Variants in SLMAP observed in about 807,000 individuals in gnomAD.
The protein encoded by SLMAP is sarcolemmal membrane-associated protein.
In SLMAP, 44 loss-of-function variants were observed where a neutral mutation model predicts 128.8. The observed-to-expected ratio is 0.34, with a 90% CI of 0.27 to 0.44. The LOEUF is 0.44. SLMAP is among the 20% of genes least tolerant of loss of function. SLMAP has a pLI of 1.00. For synonymous variants in SLMAP, 327 were observed against 348.8 expected, an observed-to-expected ratio of 0.94 and a Z score of 0.70; for missense variants, 787 against 985.3, an observed-to-expected ratio of 0.80 and a Z score of 2.69.
intron 2 of SLMAP, among the ~76,000 whole-genome samples, chr3:57,783,622 A>G (rs555781031): frequency 3.0e-4 from 46 of 152,350 alleles, no homozygotes; most frequent in African/African-American, 1.0e-3. Flanking sequence ...CAGTCTGGCT[A>G]TGTAAAGAGT....
At chr3:57,805,880 G>A (rs1196840733) in intron 2 of SLMAP, among the ~76,000 whole-genome samples, 2 of 151,952 alleles carry the variant, frequency 1.3e-5, no homozygotes, top group African/African-American at 4.8e-5. Context: ...GATGTTTCAA[G>A]TCCCCTCCCT....
intron 17 of SLMAP, among the ~76,000 whole-genome samples, chr3:57,903,851 G>A (rs753030162): frequency 1.3e-5 from 2 of 152,022 alleles, no homozygotes; most frequent in Admixed American, 6.5e-5. Flanking sequence ...TCATCTAAAC[G>A]CTTTTCCACC....
chr3:57,833,902 T>C lies in SLMAP; in HGVS notation c.346+2372T>C, dbSNP rs186731163. On this transcript the variant is annotated intron_variant, in intron 3 of 24. Transcript: ENST00000671191. The stretch of plus-strand genomic sequence containing the variant: ...TCTTGGGATACAGCTGTGTCACCAG[T>C]TGAGTACTACCTGTTTAAGGACATA... 9.9e-5 allele frequency among the ~76,000 whole-genome samples: 15 copies of C among 152,278 alleles called. No homozygotes were observed. In the East Asian group the frequency reaches 2.7e-3, roughly 27 times the overall value.
intron 2 of SLMAP, among the ~76,000 whole-genome samples, chr3:57,776,375 A>G (rs2081931653): frequency 6.6e-6 from 1 of 152,088 alleles, no homozygotes; most frequent in Non-Finnish European, 1.5e-5. Flanking sequence ...AAGTGTGGAT[A>G]TGTTTTGGGC....
intron 22 of SLMAP, among the ~76,000 whole-genome samples, chr3:57,922,554 G>A (rs964724420): frequency 2.0e-5 from 3 of 150,716 alleles, no homozygotes; most frequent in East Asian, 3.9e-4. Flanking sequence ...TCAGCCTCCC[G>A]AGTAGCTGGG....
intron 17 of SLMAP, among the ~76,000 whole-genome samples, chr3:57,905,576 C>T (rs1215703579): frequency 2.0e-5 from 3 of 152,102 alleles, no homozygotes; most frequent in Non-Finnish European, 4.4e-5. Context: ...CCACTGTGCC[C>T]GGCCCAGGGG....
intron 14 of SLMAP, among the ~76,000 whole-genome samples, chr3:57,885,846 C>T (rs2095871869): frequency 8.4e-6 from 1 of 119,228 alleles, no homozygotes; most frequent in Non-Finnish European, 1.6e-5. Context: ...TGCAGTGGTG[C>T]GATCTTGGCT....
At chr3:57,835,022 T>G (rs1445543171) in intron 3 of SLMAP, among the ~76,000 whole-genome samples, 1 of 142,554 alleles carries the variant, frequency 7.0e-6, no homozygotes, top group Non-Finnish European at 1.5e-5. Flanking sequence ...CTTGGGAGAC[T>G]GAAGTGGGAG....
Position 57,872,598 on chromosome 3 carries a change from G to A in SLMAP, c.1300+900G>A, listed in dbSNP as rs1410059380. On this transcript the variant is annotated intron_variant, in intron 14 of 24. Transcript: ENST00000671191. Reference sequence around the variant, plus strand: ...CGTGCCACTGCACTCCAGCCTGGATGACAAGAGCAAGACTGTATCTCCAAA... The same window carrying A: ...CGTGCCACTGCACTCCAGCCTGGATAACAAGAGCAAGACTGTATCTCCAAA... Among the ~76,000 whole-genome samples, 4 of 152,198 alleles carry A rather than the reference G, an allele frequency of 2.6e-5. No individual in the cohort carries two copies. The East Asian group carries it at 7.7e-4, about 29-fold the overall frequency.
intron 14 of SLMAP, among the ~76,000 whole-genome samples, chr3:57,883,336 G>A (rs576527195): frequency 1.3e-5 from 2 of 152,200 alleles, no homozygotes; most frequent in East Asian, 1.9e-4. Flanking sequence ...AGGGTCCTGG[G>A]GCCAAAGAAT....
In SLMAP at chr3:57,927,486, A is replaced by C. The variant is rs2097030007; in HGVS notation, c.*197A>C. ...ACCATTTTCTTCCTCTTTACCTCTT[A>C]AAACAGCAGAAGTACAAGAATACAG... On this transcript the variant is annotated 3_prime_UTR_variant, in exon 25 of 25. Transcript: ENST00000671191. 1.7e-6 allele frequency: 1 copy of C among 572,152 alleles called. No homozygotes were observed. The highest frequency in any genetic ancestry group is 2.9e-5 in the East Asian group (1 of 33,910). The allele number at this position is 572,152 out of a possible 1,614,324, so 35.4% of individuals were successfully genotyped here.
intron 14 of SLMAP, among the ~76,000 whole-genome samples, chr3:57,875,481 C>T (rs992722657): frequency 1.3e-5 from 2 of 152,200 alleles, no homozygotes; most frequent in African/African-American, 4.8e-5. Context: ...CACCATTGCA[C>T]TCCAGCCTGG....
intron 8 of SLMAP, among the ~76,000 whole-genome samples, chr3:57,859,162 A>G (rs1166721077): frequency 3.9e-5 from 6 of 151,996 alleles, no homozygotes; most frequent in Non-Finnish European, 5.9e-5. Flanking sequence ...CGTCTCTACT[A>G]AAAGTACAAA....
chr3:57,838,443 A>G (rs1211978357), intron 3 of SLMAP, among the ~76,000 whole-genome samples: 1 of 152,236 alleles, frequency 6.6e-6, no homozygotes, highest in East Asian at 1.9e-4. Context: ...CTAAGCAGGC[A>G]TGTTCCTCAA....
In SLMAP at chr3:57,897,706, G is replaced by A. The variant is rs934575231; in HGVS notation, c.1501+774G>A. On this transcript the variant is annotated intron_variant, in intron 17 of 24. Coordinates refer to ENST00000671191, the MANE Select transcript of SLMAP (RefSeq NM_001377540.1). The stretch of plus-strand genomic sequence containing the variant: ...AAAACTCCATCTCAAAAAAAAAAAT[G>A]AAAAAAAGAAAGAAATTTTAGATGT... 7.6e-4 allele frequency: 115 copies of A among 151,626 alleles called. 1 individual carries two copies. The highest frequency in any genetic ancestry group is 2.3e-3 in the African/African-American group (95 of 41,374). 9.4% of individuals were successfully genotyped at this position (151,626 alleles called of 1,614,324 possible).
At chr3:57,871,567 C>G (rs1281805920) in intron 13 of SLMAP, 69 bp from the exon 14 acceptor site, 1 of 1,196,200 alleles carries the variant, frequency 8.4e-7, no homozygotes, top group African/African-American at 1.5e-5. Flanking sequence ...TTCAGTTTTC[C>G]TACCTTTGCT....
chr3:57,855,388 A>T (rs1285524703), intron 6 of SLMAP, among the ~76,000 whole-genome samples: 2 of 151,984 alleles, frequency 1.3e-5, no homozygotes, highest in Non-Finnish European at 2.9e-5. Flanking sequence ...AAAAAAGAAA[A>T]GAAAAGAAAA....
At chr3:57,821,429 C>A (rs1000511318) in intron 2 of SLMAP, among the ~76,000 whole-genome samples, 1 of 152,126 alleles carries the variant, frequency 6.6e-6, no homozygotes, top group Non-Finnish European at 1.5e-5. Context: ...TTCACCACTT[C>A]TATATATTTT....
chr3:57,908,104 T>A (rs1040566411), intron 18 of SLMAP, 98 bp downstream of exon 18: 34 of 1,134,020 alleles, frequency 3.0e-5, no homozygotes, highest in African/African-American at 7.8e-5. Flanking sequence ...TGTTCCAGAT[T>A]CACAACTTTA....
Sources: allele counts gnomAD v4.1 joint callset (sites outside exome capture counted in the v4.1 genomes callset), GRCh38; gene constraint gnomAD v4.1.1; transcripts MANE v1.5; gene names NCBI Gene and HGNC (gene_info 2026-07-23, HGNC 2026-07-21).